The following HTR1F variants were observed in gnomAD, a reference collection of about 807,000 sequenced individuals.
HTR1F encodes the protein 5-hydroxytryptamine receptor 1F, also known as 5-hydroxytryptamine (serotonin) receptor 1F, G protein-coupled.
Under a neutral mutation model 24.0 loss-of-function variants are expected in HTR1F, and 17 were observed. The ratio of observed to expected loss-of-function variants is 0.71; its 90% confidence interval spans 0.48 to 1.06. The LOEUF (loss-of-function observed/expected upper bound fraction) is 1.06. Ranked by LOEUF, HTR1F falls within the 50% of genes least tolerant of loss-of-function variation. The pLI is 0.00. For synonymous variants in HTR1F, 186 were observed against 156.8 expected, an observed-to-expected ratio of 1.19 and a Z score of -1.39; for missense variants, 391 against 427.8, an observed-to-expected ratio of 0.91 and a Z score of 0.76.
At chr3:87,956,862 T>G (rs1704955543) in intron 2 of HTR1F, among the ~76,000 whole-genome samples, 1 of 151,420 alleles carries the variant, frequency 6.6e-6, no homozygotes, top group Non-Finnish European at 1.5e-5. Flanking sequence ...TAATAGTTGA[T>G]TTTTAGATTC....
chr3:87,814,594 A>G (rs1704217966), intron 1 of HTR1F, among the ~76,000 whole-genome samples: 1 of 152,166 alleles, frequency 6.6e-6, no homozygotes, highest in African/African-American at 2.4e-5. Flanking sequence ...TTTAGATTCC[A>G]AATATTAAGA....
intron 2 of HTR1F, among the ~76,000 whole-genome samples, chr3:87,985,970 T>C (rs1705653720): frequency 6.6e-6 from 1 of 152,266 alleles, no homozygotes; most frequent in African/African-American, 2.4e-5. Flanking sequence ...GGGGAAGTTT[T>C]CTTTCTCTGT....
chr3:87,877,458 G>A (rs912177058), intron 2 of HTR1F, among the ~76,000 whole-genome samples: 1 of 152,000 alleles, frequency 6.6e-6, no homozygotes, highest in Non-Finnish European at 1.5e-5. Context: ...GGGATTACTA[G>A]TTACATGAGA....
intron 1 of HTR1F, among the ~76,000 whole-genome samples, chr3:87,802,688 G>T (rs1447507549): frequency 1.3e-5 from 2 of 152,064 alleles, no homozygotes; most frequent in Non-Finnish European, 2.9e-5. Context: ...CAAAATTCCT[G>T]ACCAGTGTAT....
intron 1 of HTR1F, among the ~76,000 whole-genome samples, chr3:87,813,932 T>A (rs552254006): frequency 6.6e-6 from 1 of 152,168 alleles, no homozygotes; most frequent in Non-Finnish European, 1.5e-5. Flanking sequence ...CTTTTTTTTT[T>A]CTTTTTAACA....
intron 2 of HTR1F, among the ~76,000 whole-genome samples, chr3:87,882,294 T>C (rs1425302870): frequency 1.3e-5 from 2 of 152,230 alleles, no homozygotes; most frequent in Non-Finnish European, 2.9e-5. Context: ...TGGAAGTCAG[T>C]GTGGTGATTC....
At chr3:87,913,527 C>A (rs1482010933) in intron 2 of HTR1F, among the ~76,000 whole-genome samples, 1 of 152,144 alleles carries the variant, frequency 6.6e-6, no homozygotes, top group African/African-American at 2.4e-5. Flanking sequence ...TGTGGCAATT[C>A]CTCAAAGACC....
chr3:87,853,047 T>C (rs1422081234), intron 2 of HTR1F, among the ~76,000 whole-genome samples: 1 of 151,496 alleles, frequency 6.6e-6, no homozygotes, highest in Non-Finnish European at 1.5e-5. Flanking sequence ...TCTCGATAGA[T>C]TTTATAATAT....
intron 2 of HTR1F, among the ~76,000 whole-genome samples, chr3:87,943,975 C>T (rs986451120): frequency 2.0e-5 from 3 of 152,154 alleles, no homozygotes; most frequent in Non-Finnish European, 4.4e-5. Flanking sequence ...AGTCATTTTC[C>T]GATGAGCATT....
intron 2 of HTR1F, among the ~76,000 whole-genome samples, chr3:87,848,327 C>G (rs1299484367): frequency 6.6e-6 from 1 of 151,768 alleles, no homozygotes; most frequent in Non-Finnish European, 1.5e-5. Flanking sequence ...TGAGAAATGT[C>G]TATTCATGTC....
intron 1 of HTR1F, among the ~76,000 whole-genome samples, chr3:87,799,032 A>G (rs1482217858): frequency 3.3e-5 from 5 of 152,254 alleles, no homozygotes; most frequent in African/African-American, 4.8e-5. Flanking sequence ...GAAAATAAAA[A>G]CAAACTATGT....
chr3:87,991,868 A>G lies in HTR1F; in HGVS notation c.*18A>G. 1 of 1,535,800 alleles carries G rather than the reference A, an allele frequency of 6.5e-7. No individual in the cohort carries two copies. Among genetic ancestry groups the G allele is most frequent in the Non-Finnish European group, 8.7e-7 (1 of 1,143,894 alleles). ...GATGTTAGTTTTAAAAATGTTTATT[A>G]TTGAAGGATGGGGGTTTTTGAGGGG... On this transcript the variant is annotated 3_prime_UTR_variant, in exon 3 of 3. Coordinates refer to ENST00000319595, the MANE Select transcript of HTR1F (RefSeq NM_001322209.2).
chr3:87,942,806 G>C (rs1704602727), intron 2 of HTR1F, among the ~76,000 whole-genome samples: 2 of 151,722 alleles, frequency 1.3e-5, no homozygotes, highest in Admixed American at 6.6e-5. Flanking sequence ...AAAAAACCCA[G>C]GTTACCAAGT....
At chr3:87,866,157 ATC>A (rs1171511809) in intron 2 of HTR1F, among the ~76,000 whole-genome samples, 1 of 152,244 alleles carries the variant, frequency 6.6e-6, no homozygotes, top group Non-Finnish European at 1.5e-5. Flanking sequence ...TAAATCAATA[ATC>A]CAGTGTCCTA....
At chr3:87,970,527 T>A (rs972486913) in intron 2 of HTR1F, among the ~76,000 whole-genome samples, 2 of 152,200 alleles carry the variant, frequency 1.3e-5, no homozygotes, top group African/African-American at 4.8e-5. Flanking sequence ...GCTGGAGCTA[T>A]TCTAAAATAA....
chr3:87,983,388 T>C (rs562257748), intron 2 of HTR1F, among the ~76,000 whole-genome samples: 2 of 152,216 alleles, frequency 1.3e-5, no homozygotes, highest in Non-Finnish European at 2.9e-5. Flanking sequence ...AGGTCTTCAC[T>C]GATACAGAAG....
intron 2 of HTR1F, among the ~76,000 whole-genome samples, chr3:87,869,424 G>GATGATACATACATAC (rs1705502091): frequency 7.4e-6 from 1 of 135,650 alleles, no homozygotes; most frequent in African/African-American, 2.9e-5. Flanking sequence ...TAGATAGATA[G>GATGATACATACATAC]ATAGATAGAT....
At chr3:87,876,860 C>T (rs1419925958) in intron 2 of HTR1F, among the ~76,000 whole-genome samples, 1 of 152,026 alleles carries the variant, frequency 6.6e-6, no homozygotes, top group Non-Finnish European at 1.5e-5. Flanking sequence ...CCCTCCTTTT[C>T]ATTAAAGCCA....
Position 87,991,499 on chromosome 3 carries a change from T to G in HTR1F, c.750T>G (p.Ser250=). Residue 250 remains serine, a synonymous_variant, in exon 3 of 3, where the codon TCT becomes TCG. Transcript: ENST00000319595. The stretch of plus-strand genomic sequence containing the variant: ...CCACATCCTATGTACTAGAAAAGTC[T>G]TTATCTGACCCATCAACAGACTTTG... ...SVSTSYVLEK[S]LSDPSTDFDK... 6.2e-7 allele frequency: 1 copy of G among 1,614,134 alleles called. No individual in the cohort carries two copies. Among genetic ancestry groups the G allele is most frequent in the South Asian group, 1.1e-5 (1 of 91,088 alleles).
Sources: gnomAD v4.1 joint callset for allele counts (sites outside exome capture counted in the v4.1 genomes callset) on GRCh38, gnomAD v4.1.1 for gene constraint, MANE v1.5 for transcripts, NCBI Gene and HGNC (gene_info 2026-07-23, HGNC 2026-07-21) for gene names.